THSD7B: variants seen among roughly 807,000 people sequenced by gnomAD.
THSD7B encodes thrombospondin type-1 domain-containing protein 7B.
Under a neutral mutation model 213.6 loss-of-function variants are expected in THSD7B, and 138 were observed. The ratio of observed to expected loss-of-function variants is 0.65; its 90% confidence interval spans 0.56 to 0.74. The LOEUF is 0.74. Ranked by LOEUF, THSD7B falls within the 30% of genes least tolerant of loss-of-function variation. The pLI is 0.00. For missense variants in THSD7B, 1,931 were observed against 1,991.5 expected, an observed-to-expected ratio of 0.97 and a Z score of 0.58; for synonymous variants, 742 against 687.0, an observed-to-expected ratio of 1.08 and a Z score of -1.25.
intron 14 of THSD7B, among the ~76,000 whole-genome samples, chr2:137,426,607 CT>C (rs1450952696): frequency 1.3e-5 from 2 of 152,090 alleles, no homozygotes; most frequent in Non-Finnish European, 2.9e-5. Flanking sequence ...ATTGGATAAA[CT>C]AGATATCATG....
intron 2 of THSD7B, among the ~76,000 whole-genome samples, chr2:136,966,594 T>C (rs1190310061): frequency 6.6e-6 from 1 of 152,174 alleles, no homozygotes. Flanking sequence ...AGAGCAGGTC[T>C]TTATCTTTGT....
At chr2:137,192,169 C>T (rs548888663) in intron 7 of THSD7B, among the ~76,000 whole-genome samples, 8 of 152,082 alleles carry the variant, frequency 5.3e-5, no homozygotes, top group African/African-American at 1.9e-4. Flanking sequence ...CCCTGTGATC[C>T]TCTCAGTTTA....
intron 2 of THSD7B, among the ~76,000 whole-genome samples, chr2:137,034,411 C>A (rs1686733799): frequency 6.6e-6 from 1 of 152,024 alleles, no homozygotes; most frequent in South Asian, 2.1e-4. Context: ...GCCAAATTTT[C>A]TTTTTATTTA....
intron 15 of THSD7B, among the ~76,000 whole-genome samples, chr2:137,461,048 T>C (rs1214493787): frequency 2.0e-5 from 3 of 152,302 alleles, no homozygotes; most frequent in Non-Finnish European, 2.9e-5. Flanking sequence ...TGTTGACTTT[T>C]AGTGCCTTAT....
In THSD7B at chr2:137,298,351, A is replaced by G. The variant is rs192135134; in HGVS notation, c.2500+22325A>G. Among the ~76,000 whole-genome samples, 30 of 152,256 alleles carry G rather than the reference A, an allele frequency of 2.0e-4. No homozygotes were observed. In the East Asian group the frequency reaches 5.8e-3, roughly 29 times the overall value. ...CAAGAGGTGACTTGGGTGCCGTTAA[A>G]AGCATTCTGTTTTAAAAGAGAAACA... On this transcript the variant is annotated intron_variant, in intron 12 of 27. Transcript: ENST00000409968.
At chr2:136,962,492 G>A (rs112075262) in intron 2 of THSD7B, among the ~76,000 whole-genome samples, 10 of 144,470 alleles carry the variant, frequency 6.9e-5, no homozygotes, top group African/African-American at 1.0e-4. Context: ...AGGCAGAGTC[G>A]TGGAGAGTTG....
At chr2:137,266,840 G>A (rs1483588322) in intron 10 of THSD7B, among the ~76,000 whole-genome samples, 2 of 152,104 alleles carry the variant, frequency 1.3e-5, no homozygotes, top group Non-Finnish European at 2.9e-5. Flanking sequence ...CCACCCACTT[G>A]CTGTTCCCCT....
intron 7 of THSD7B, among the ~76,000 whole-genome samples, chr2:137,178,458 G>A (rs116459580): frequency 1.9e-3 from 291 of 152,298 alleles, no homozygotes; most frequent in African/African-American, 6.9e-3. Context: ...GCAGTTGGAA[G>A]TGTCAATAAG....
At position 137,021,522 on chromosome 2, in the gene THSD7B, A is replaced by G. The variant is rs184364941; in HGVS notation, c.140-34898A>G. Among the ~76,000 whole-genome samples the G allele has an allele frequency of 2.0e-5, 3 of 152,336 alleles. 1 individual carries two copies. The highest frequency in any genetic ancestry group is 2.0e-4 in the Admixed American group (3 of 15,298). On this transcript the variant is annotated intron_variant, in intron 2 of 27. Transcript: ENST00000409968. ...CCAATTATTGGAGAAAGTTGGTTAT[A>G]TGAATCTACTTAAAAAATTAAACTA...
At chr2:136,980,598 G>A (rs1460682612) in intron 2 of THSD7B, among the ~76,000 whole-genome samples, 2 of 152,120 alleles carry the variant, frequency 1.3e-5, no homozygotes, top group Non-Finnish European at 2.9e-5. Context: ...CCCTGGCACC[G>A]ACAGGGGAAA....
chr2:137,385,111 C>G (rs942624803), intron 12 of THSD7B, among the ~76,000 whole-genome samples: 2 of 152,178 alleles, frequency 1.3e-5, no homozygotes, highest in African/African-American at 4.8e-5. Flanking sequence ...CTGGCTGCCA[C>G]AGACACCCAG....
chr2:136,857,058 T>G (rs1287961882), intron 1 of THSD7B, among the ~76,000 whole-genome samples: 1 of 152,252 alleles, frequency 6.6e-6, no homozygotes, highest in Non-Finnish European at 1.5e-5. Context: ...TTTAGTTCAT[T>G]GGTTTTCATT....
At chr2:136,892,297 G>A (rs1195501373) in intron 2 of THSD7B, among the ~76,000 whole-genome samples, 2 of 152,054 alleles carry the variant, frequency 1.3e-5, no homozygotes, top group Non-Finnish European at 2.9e-5. Flanking sequence ...TTTTAAAGCT[G>A]CCATGACCCA....
chr2:137,145,015 G>T (rs761449118), intron 5 of THSD7B, among the ~76,000 whole-genome samples: 3 of 152,028 alleles, frequency 2.0e-5, no homozygotes, highest in Non-Finnish European at 4.4e-5. Flanking sequence ...CTCATTCATT[G>T]TAAGATTCAA....
chr2:137,593,987 G>A (rs1247635252), intron 17 of THSD7B, among the ~76,000 whole-genome samples: 1 of 151,894 alleles, frequency 6.6e-6, no homozygotes, highest in Non-Finnish European at 1.5e-5. Flanking sequence ...GAGTCCTTTC[G>A]AAGGTGGATC....
chr2:137,577,420 T>C (rs1681486714), intron 17 of THSD7B, among the ~76,000 whole-genome samples: 1 of 152,156 alleles, frequency 6.6e-6, no homozygotes, highest in Admixed American at 6.5e-5. Context: ...ATTTCTTTGA[T>C]TCTCAATATC....
At chr2:137,297,020 T>C (rs1683482022) in intron 12 of THSD7B, among the ~76,000 whole-genome samples, 1 of 151,764 alleles carries the variant, frequency 6.6e-6, no homozygotes, top group African/African-American at 2.4e-5. Context: ...GAACTGCTTT[T>C]TTTATTCTTA....
At chr2:136,789,199 C>T (rs892376693) in intron 1 of THSD7B, among the ~76,000 whole-genome samples, 1 of 151,900 alleles carries the variant, frequency 6.6e-6, no homozygotes, top group Non-Finnish European at 1.5e-5. Context: ...GTTTTTGAAA[C>T]TGCTTCCAGG....
intron 1 of THSD7B, among the ~76,000 whole-genome samples, chr2:136,781,429 T>C (rs1360367275): frequency 1.4e-5 from 2 of 145,366 alleles, no homozygotes. Context: ...CATGCCCGGC[T>C]AATTTTTTTT....
Sources: allele counts gnomAD v4.1 joint callset (sites outside exome capture counted in the v4.1 genomes callset), GRCh38; gene constraint gnomAD v4.1.1; transcripts MANE v1.5; gene names NCBI Gene and HGNC (gene_info 2026-07-23, HGNC 2026-07-21).